Variants in NIN observed in about 807,000 individuals in gnomAD.
The protein encoded by NIN is ninein.
In NIN, 137 loss-of-function variants were observed where a neutral mutation model predicts 257.6. The observed-to-expected ratio is 0.53, with a 90% CI of 0.46 to 0.61. The LOEUF (loss-of-function observed/expected upper bound fraction) is 0.61, where lower values mean the gene tolerates loss of function less well. Among genes scored for constraint, NIN ranks in the 20% least tolerant of loss-of-function variants. NIN has a pLI of 0.00. For synonymous variants in NIN, 918 were observed against 919.8 expected (o/e 1.00, Z 0.04); for missense variants, 2,439 against 2,501.2 (o/e 0.98, Z 0.53).
At chr14:50,796,078 GTATT>G (rs2043825561) in intron 4 of NIN, among the ~76,000 whole-genome samples, 1 of 152,228 alleles carries the variant, frequency 6.6e-6, no homozygotes, top group South Asian at 2.1e-4. Context: ...CCTTGAAAGT[GTATT>G]TATGATTCTC....
At chr14:50,725,677 TAAAA>T in intron 30 of NIN, 1 of 512,108 alleles carries the variant, frequency 2.0e-6, no homozygotes, top group Non-Finnish European at 3.4e-6. Context: ...TTTTGATCTT[TAAAA>T]TCTTAGGTCC....
At position 50,729,688 on chromosome 14, in the gene NIN, C is replaced by T. The variant is rs145555295; in HGVS notation, c.5913G>A (p.Pro1971=). The T allele has an allele frequency of 4.6e-4, 744 of 1,611,808 alleles. No individual in the cohort carries two copies. The highest frequency in any genetic ancestry group is 5.4e-4 in the Non-Finnish European group (636 of 1,178,876). Reference sequence around the variant, plus strand: ...GCTGCAAATCCCAAGCATGAGGGGACGGGCTAGGCGTCGCAGTGGACCTCA... The same window carrying T: ...GCTGCAAATCCCAAGCATGAGGGGATGGGCTAGGCGTCGCAGTGGACCTCA... ...QHLRSTATPS[P]SPHAWDLQLL... The change falls in exon 29 of 31, where the codon CCG becomes CCA. Residue 1971 remains proline (P), a synonymous_variant. Coordinates refer to ENST00000530997, the MANE Select transcript of NIN (RefSeq NM_020921.4).
intron 3 of NIN, among the ~76,000 whole-genome samples, chr14:50,821,012 T>G (rs1024430842): frequency 3.3e-5 from 5 of 152,222 alleles, no homozygotes; most frequent in Non-Finnish European, 7.3e-5. Context: ...AATTTATACG[T>G]GATAAAAACC....
intron 7 of NIN, among the ~76,000 whole-genome samples, chr14:50,773,799 C>A (rs1309497978): frequency 6.6e-6 from 1 of 152,180 alleles, no homozygotes; most frequent in African/African-American, 2.4e-5. Context: ...AATCAAATAG[C>A]CCCTATCCTG....
At chr14:50,770,238 G>T in intron 12 of NIN, 150 bp downstream of exon 12, 1 of 703,480 alleles carries the variant, frequency 1.4e-6, no homozygotes, top group Non-Finnish European at 2.4e-6. Context: ...TTTTAGCAGG[G>T]CCCTGCCAAG....
intron 28 of NIN, among the ~76,000 whole-genome samples, chr14:50,733,794 T>G (rs2040836858): frequency 6.6e-6 from 1 of 152,232 alleles, no homozygotes; most frequent in Non-Finnish European, 1.5e-5. Context: ...TGTCTACATC[T>G]AAGTACAGCC....
intron 3 of NIN, among the ~76,000 whole-genome samples, chr14:50,808,814 G>C (rs142501577): frequency 5.8e-4 from 89 of 152,270 alleles, no homozygotes; most frequent in African/African-American, 2.1e-3. Context: ...AATGAGAATT[G>C]GGTAAAGTAT....
intron 22 of NIN, among the ~76,000 whole-genome samples, chr14:50,746,701 C>T (rs1233147358): frequency 6.6e-6 from 1 of 152,164 alleles, no homozygotes; most frequent in South Asian, 2.1e-4. Flanking sequence ...TACCATAAAT[C>T]AAGATTGTTC....
chr14:50,737,000 G>A (rs552657038), intron 27 of NIN, among the ~76,000 whole-genome samples: 14 of 152,268 alleles, frequency 9.2e-5, no homozygotes, highest in African/African-American at 3.4e-4. Context: ...GTGTGACCAG[G>A]GGGTAGCCAG....
intron 15 of NIN, 90 bp downstream of exon 15, chr14:50,763,735 CA>C (rs2042365005): frequency 2.0e-6 from 2 of 1,023,384 alleles, no homozygotes; most frequent in Non-Finnish European, 2.8e-6. Flanking sequence ...TTTCTTTTTT[CA>C]AGTTGCCAAA....
At position 50,723,289 on chromosome 14, in the gene NIN, T is replaced by G; in HGVS notation, c.*174A>C. The G allele has an allele frequency of 1.0e-5, 5 of 501,594 alleles. No individual in the cohort carries two copies. Among genetic ancestry groups the G allele is most frequent in the Non-Finnish European group, 7.0e-6 (2 of 286,832 alleles). The allele number at this position is 501,594 out of a possible 1,614,324, so 31.1% of individuals were successfully genotyped here. A position where few individuals can be genotyped will look rare whatever the true frequency, so the allele number is the denominator to read the frequency against. ...TAATTTAAGTAGTGAAATATGTGAG[T>G]ATTTATTTTCAAACTCCCATAAGGG... On this transcript the variant is annotated 3_prime_UTR_variant, in exon 31 of 31. Coordinates refer to ENST00000530997, the MANE Select transcript of NIN (RefSeq NM_020921.4).
At chr14:50,766,638 A>G in intron 13 of NIN, 142 bp downstream of exon 13, 1 of 658,416 alleles carries the variant, frequency 1.5e-6, no homozygotes, top group Non-Finnish European at 2.7e-6. Context: ...TTAGTAAATT[A>G]TATCCCTACA....
At chr14:50,777,699 G>C (rs1276721306) in intron 6 of NIN, among the ~76,000 whole-genome samples, 1 of 151,066 alleles carries the variant, frequency 6.6e-6, no homozygotes, top group Non-Finnish European at 1.5e-5. Context: ...AAAAATCAAT[G>C]GTTGCAAGCT....
At chr14:50,741,752 A>C (rs2041295250) in intron 24 of NIN, 24 bp from the exon 25 acceptor site, 1 of 1,609,506 alleles carries the variant, frequency 6.2e-7, no homozygotes. Flanking sequence ...ATGATCTTTT[A>C]CTGCTACACA....
Position 50,760,131 on chromosome 14 carries a change from C to T in NIN, c.2125G>A (p.Glu709Lys). Residue 709 changes from glutamate to lysine, a missense_variant, in exon 17 of 31, where the codon GAG becomes AAG. By Grantham distance (56) the Glu-to-Lys change is moderately conservative. This residue lies in a region of NIN where 2,043 missense variants were observed against 2,050.2 expected (regional missense o/e 1.00). Transcript: ENST00000530997. ...TCCTGCAGGTGAGTCTTTTCCTCCT[C>T]AAGCTTCACTTGCAGTTGTTTTTTC... ...EEKKQLQVKL[E>K]EEKTHLQEKL... is the part of the protein sequence containing the mutation. 1 of 1,614,208 alleles carries T rather than the reference C, an allele frequency of 6.2e-7. No homozygotes were observed. The highest frequency in any genetic ancestry group is 1.6e-4 in the Middle Eastern group (1 of 6,062).
intron 22 of NIN, among the ~76,000 whole-genome samples, chr14:50,745,936 G>A (rs2041516126): frequency 6.6e-6 from 1 of 151,498 alleles, no homozygotes; most frequent in South Asian, 2.1e-4. Context: ...CCTATTCTTG[G>A]GATCCAAAAG....
chr14:50,742,290 A>G (rs1261294290), intron 24 of NIN: 1 of 152,230 alleles, frequency 6.6e-6, no homozygotes, highest in East Asian at 1.9e-4. Flanking sequence ...GTGTGCCTGT[A>G]GTCCCAACTA....
chr14:50,740,523 T>A (rs991908641), intron 25 of NIN, among the ~76,000 whole-genome samples: 4 of 152,160 alleles, frequency 2.6e-5, no homozygotes, highest in Non-Finnish European at 4.4e-5. Context: ...TAATTTTTTT[T>A]ATTTTTAGTA....
Position 50,738,306 on chromosome 14 carries a change from G to A in NIN, c.5629-20C>T, listed in dbSNP as rs767577499. Reference sequence around the variant, plus strand: ...ACGGACCTAACAGGAACAAATGTAAGAGGAAAAAATGCTAATACAATCACC... The same window carrying A: ...ACGGACCTAACAGGAACAAATGTAAAAGGAAAAAATGCTAATACAATCACC... On this transcript the variant is annotated intron_variant, in intron 26 of 30. Transcript: ENST00000530997. The A allele has an allele frequency of 5.0e-6, 8 of 1,603,604 alleles. No homozygotes were observed. In the Admixed American group the frequency reaches 5.2e-5, roughly 10 times the overall value.
Sources: gnomAD v4.1 joint callset for allele counts (sites outside exome capture counted in the v4.1 genomes callset) on GRCh38, gnomAD v4.1.1 for gene constraint, gnomAD v4.1.1 regional missense constraint, MANE v1.5 for transcripts, NCBI Gene and HGNC (gene_info 2026-07-23, HGNC 2026-07-21) for gene names.